The following ZFC3H1 variants were observed in gnomAD, a reference collection of about 807,000 sequenced individuals.
The protein encoded by ZFC3H1 is zinc finger C3H1 domain-containing protein.
A neutral mutation model predicts 243.7 loss-of-function variants in ZFC3H1; 71 were observed. That is an observed-to-expected ratio of 0.29 (90% confidence interval 0.24 to 0.36). The LOEUF (loss-of-function observed/expected upper bound fraction) is 0.36, where lower values mean the gene tolerates loss of function less well. Ranked by LOEUF, ZFC3H1 falls within the 10% of genes least tolerant of loss-of-function variation. The probability of loss-of-function intolerance (pLI) is 1.00; values close to 1 mark genes in which losing one functional copy is unlikely to be tolerated. For synonymous variants in ZFC3H1, 838 were observed against 813.0 expected, an observed-to-expected ratio of 1.03 and a Z score of -0.52; for missense variants, 1,966 against 2,317.1, an observed-to-expected ratio of 0.85 and a Z score of 3.11.
intron 22 of ZFC3H1, 133 bp downstream of exon 22, chr12:71,626,127 G>T: frequency 1.2e-6 from 1 of 867,682 alleles, no homozygotes. Flanking sequence ...GAAACTGAAA[G>T]TAAGGTTATT....
intron 27 of ZFC3H1, among the ~76,000 whole-genome samples, chr12:71,618,774 T>C (rs1879953408): frequency 6.6e-6 from 1 of 152,162 alleles, no homozygotes; most frequent in Non-Finnish European, 1.5e-5. Flanking sequence ...CCTCTTACTG[T>C]TGGAATAGGA....
chr12:71,611,848 A>G lies in ZFC3H1; in HGVS notation c.5667T>C (p.Ile1889=). ...TAAACATCTTGGCTTGAAGTTTCAG[A>G]ATCTGAACATTGCTTTCTTCCCATT... ...QHEWEESNVQ[I]LKLQAKMFTY... is the part of the protein sequence containing the mutation. Residue 1889 remains isoleucine (I), a synonymous_variant, in exon 32 of 35, where the codon ATT becomes ATC. Coordinates refer to ENST00000378743, the MANE Select transcript of ZFC3H1 (RefSeq NM_144982.5). The G allele has an allele frequency of 6.2e-7, 1 of 1,607,842 alleles. No individual in the cohort carries two copies. The highest frequency in any genetic ancestry group is 8.5e-7 in the Non-Finnish European group (1 of 1,176,390).
At chr12:71,658,703 C>G (rs571198888) in intron 1 of ZFC3H1, among the ~76,000 whole-genome samples, 5 of 152,216 alleles carry the variant, frequency 3.3e-5, no homozygotes, top group African/African-American at 1.2e-4. Flanking sequence ...CTCCTGATGA[C>G]CAGTTCTAAA....
Position 71,619,380 on chromosome 12 carries a change from C to CA in ZFC3H1, c.5078dup (p.Leu1693PhefsTer10). The CA allele has an allele frequency of 6.2e-7, 1 of 1,613,068 alleles. No individual in the cohort carries two copies. Among genetic ancestry groups the CA allele is most frequent in the Non-Finnish European group, 8.5e-7 (1 of 1,179,592 alleles). ...TAAAGAAGGATGCAATAAATTTCCG[C>CA]AAAAATGGAAGAAGATTATCGCCTC... On this transcript the variant is annotated frameshift_variant, in exon 27 of 35. Transcript: ENST00000378743. LOFTEE classifies it high-confidence loss of function.
chr12:71,621,516 C>T (rs543843119), intron 24 of ZFC3H1, among the ~76,000 whole-genome samples: 1 of 152,154 alleles, frequency 6.6e-6, no homozygotes, highest in African/African-American at 2.4e-5. Flanking sequence ...GTTGGCCAGG[C>T]TGGTCTCAAA....
At chr12:71,629,109 A>G (rs1565811549) in intron 19 of ZFC3H1, 72 bp from the exon 20 acceptor site, 10 of 1,313,118 alleles carry the variant, frequency 7.6e-6, no homozygotes, top group Non-Finnish European at 1.0e-5. Context: ...GGATACTCAA[A>G]TAATATTTGA....
chr12:71,623,183 G>A (rs546644347), intron 24 of ZFC3H1, among the ~76,000 whole-genome samples, 177 bp downstream of exon 24: 8 of 152,304 alleles, frequency 5.3e-5, no homozygotes, highest in African/African-American at 1.7e-4. Context: ...AGATGCCAGT[G>A]TCCATCTTCT....
chr12:71,632,263 G>C lies in ZFC3H1; in HGVS notation c.3069C>G (p.Thr1023=). 1 of 1,613,694 alleles carries C rather than the reference G, an allele frequency of 6.2e-7. No homozygotes were observed. The highest frequency in any genetic ancestry group is 8.5e-7 in the Non-Finnish European group (1 of 1,179,830). The change falls in exon 15 of 35, where the codon ACC becomes ACG. Residue 1023 remains threonine, a synonymous_variant. Transcript: ENST00000378743. ...SLHDLTQDKL[T]LDTEENDVDD... ...CAACATCATTTTCTTCAGTGTCCAG[G>C]GTTAATTTATCTTGTGTCAGATCAT...
chr12:71,659,044 T>C (rs989417172), intron 1 of ZFC3H1, among the ~76,000 whole-genome samples: 9 of 152,190 alleles, frequency 5.9e-5, no homozygotes, highest in African/African-American at 2.2e-4. Context: ...TGTTTCCCTA[T>C]TTGTGTTTTG....
intron 27 of ZFC3H1, among the ~76,000 whole-genome samples, chr12:71,618,908 A>G (rs1246802462): frequency 6.6e-6 from 1 of 152,220 alleles, no homozygotes; most frequent in African/African-American, 2.4e-5. Context: ...TCTCTTCAGA[A>G]TTAAAAAAAG....
intron 6 of ZFC3H1, 78 bp downstream of exon 6, chr12:71,642,358 A>G (rs1592597200): frequency 6.9e-7 from 1 of 1,451,746 alleles, no homozygotes; most frequent in Non-Finnish European, 9.2e-7. Context: ...ACATTTCTTT[A>G]AAGGTTTTGA....
chr12:71,650,273 C>CA (rs910862211), intron 2 of ZFC3H1, among the ~76,000 whole-genome samples: 44 of 150,902 alleles, frequency 2.9e-4, no homozygotes, highest in African/African-American at 9.5e-4. Flanking sequence ...GAGTCCGTCT[C>CA]AAAAAAAAAT....
Position 71,637,026 on chromosome 12 carries a change from C to T in ZFC3H1, c.1759G>A (p.Gly587Ser). The change falls in exon 8 of 35, where the codon GGC (glycine) becomes AGC (serine). Residue 587 changes from glycine (G) to serine (S), a missense_variant. Around this residue, in one of 4 missense-constraint regions of ZFC3H1, gnomAD observed 1,383 missense variants for 1,723.7 expected, o/e 0.80. Coordinates refer to ENST00000378743, the MANE Select transcript of ZFC3H1 (RefSeq NM_144982.5). ...AGAGGTTCAAGAGAAACACACAAGC[C>T]TTCCACATAAGGCTGGCTCAAAGGT... ...LPPLSQPYVE[G>S]LCVSLEPLPP... 6.2e-7 allele frequency: 1 copy of T among 1,613,844 alleles called. No homozygotes were observed. Among genetic ancestry groups the T allele is most frequent in the East Asian group, 2.2e-5 (1 of 44,862 alleles).
intron 27 of ZFC3H1, among the ~76,000 whole-genome samples, chr12:71,618,155 C>T (rs1357340457): frequency 6.6e-6 from 1 of 151,934 alleles, no homozygotes; most frequent in Non-Finnish European, 1.5e-5. Context: ...ATCCCAGCTA[C>T]TCAGGAGGCT....
Position 71,610,234 on chromosome 12 carries a change from T to G in ZFC3H1, c.*194A>C. ...CCTAGAAGCAGGCCAAACAGGAAGT[T>G]CATTTATCCAACCGAAGAGGATCAT... On this transcript the variant is annotated 3_prime_UTR_variant, in exon 35 of 35. Coordinates refer to ENST00000378743, the MANE Select transcript of ZFC3H1 (RefSeq NM_144982.5). The G allele has an allele frequency of 3.5e-6, 2 of 570,498 alleles. No individual in the cohort carries two copies. The highest frequency in any genetic ancestry group is 3.1e-5 in the South Asian group (1 of 31,952). The allele number at this position is 570,498 out of a possible 1,614,324, so 35.3% of individuals were successfully genotyped here.
rs568271027 is a variant in ZFC3H1 at position 71,663,125 on chromosome 12, T to A, written c.486A>T (p.Gly162=). The A allele has an allele frequency of 6.2e-7, 1 of 1,613,534 alleles. No homozygotes were observed. The highest frequency in any genetic ancestry group is 8.5e-7 in the Non-Finnish European group (1 of 1,179,956). ...RGGSRWSRGR[G]VGERGGKPGC... is the part of the protein sequence containing the mutation. ...CCGGCTTGCCTCCTCGCTCACCCAC[T>A]CCTCGCCCCCGACTCCAGCGACTCC... The change falls in exon 1 of 35, where the codon GGA becomes GGT. Residue 162 remains glycine, a synonymous_variant. Coordinates refer to ENST00000378743, the MANE Select transcript of ZFC3H1 (RefSeq NM_144982.5).
intron 1 of ZFC3H1, among the ~76,000 whole-genome samples, chr12:71,659,594 G>A (rs1881112643): frequency 6.6e-6 from 1 of 151,282 alleles, no homozygotes; most frequent in Admixed American, 6.6e-5. Context: ...AAAAAGAAAA[G>A]AAAGGGAAAT....
chr12:71,617,236 T>C lies in ZFC3H1; in HGVS notation c.5145-1920A>G, dbSNP rs2137517189. Among the ~76,000 whole-genome samples the C allele has an allele frequency of 2.0e-5, 3 of 152,332 alleles. No individual in the cohort carries two copies. The Middle Eastern group carries it at 0.01, about 518-fold the overall frequency. On this transcript the variant is annotated intron_variant, in intron 27 of 34. Transcript: ENST00000378743. The stretch of plus-strand genomic sequence containing the variant: ...TTAAAAAACTTATATCAATATACAA[T>C]AAGTATGGCAATGCCAAAAATGGTC...
intron 9 of ZFC3H1, 30 bp from the exon 10 acceptor site, chr12:71,635,610 A>G (rs369809465): frequency 1.3e-6 from 2 of 1,506,950 alleles, no homozygotes; most frequent in Admixed American, 2.7e-5. Flanking sequence ...ATTACTCGTG[A>G]TAACAAAAGG....
Sources: allele counts gnomAD v4.1 joint callset (sites outside exome capture counted in the v4.1 genomes callset), GRCh38; gene constraint gnomAD v4.1.1; regional missense constraint gnomAD v4.1.1; transcripts MANE v1.5; gene names NCBI Gene and HGNC (gene_info 2026-07-23, HGNC 2026-07-21).